The following PRKG1 variants were observed in gnomAD, a reference collection of about 807,000 sequenced individuals.
PRKG1 encodes cGMP-dependent protein kinase 1.
In PRKG1, 35 loss-of-function variants were observed where a neutral mutation model predicts 88.1. That is an observed-to-expected ratio of 0.40 (90% CI 0.30 to 0.53). The LOEUF is 0.53. Ranked by LOEUF, PRKG1 falls within the 20% of genes least tolerant of loss-of-function variation. The pLI is 0.59. For synonymous variants in PRKG1, 303 were observed against 292.5 expected, an observed-to-expected ratio of 1.04 and a Z score of -0.37; for missense variants, 540 against 839.8, an observed-to-expected ratio of 0.64 and a Z score of 4.41.
intron 3 of PRKG1, among the ~76,000 whole-genome samples, chr10:51,483,859 AT>A (rs1353892889): frequency 6.6e-6 from 1 of 152,188 alleles, no homozygotes; most frequent in Non-Finnish European, 1.5e-5. Context: ...TGATGTTTTC[AT>A]TTATACACTT....
chr10:52,215,784 T>C (rs572736138), intron 9 of PRKG1, among the ~76,000 whole-genome samples: 7 of 152,298 alleles, frequency 4.6e-5, no homozygotes, highest in Admixed American at 1.3e-4. Context: ...AGAATATAAC[T>C]GACAAGAGGT....
At chr10:51,302,001 G>C (rs1005931093) in intron 2 of PRKG1, among the ~76,000 whole-genome samples, 3 of 152,108 alleles carry the variant, frequency 2.0e-5, no homozygotes, top group Non-Finnish European at 1.5e-5. Flanking sequence ...TCCAGTTCCT[G>C]GTGCTCTGAC....
chr10:52,278,630 A>C (rs1212620119), intron 12 of PRKG1, among the ~76,000 whole-genome samples: 3 of 152,160 alleles, frequency 2.0e-5, no homozygotes, highest in African/African-American at 7.2e-5. Flanking sequence ...ATGCAGCCAT[A>C]AAAAAGAATG....
At chr10:51,599,507 A>T (rs1028595155) in intron 3 of PRKG1, among the ~76,000 whole-genome samples, 1 of 152,192 alleles carries the variant, frequency 6.6e-6, no homozygotes, top group African/African-American at 2.4e-5. Context: ...GAATCAAATT[A>T]TTAGTATTGA....
chr10:52,110,275 T>C (rs550350165), intron 7 of PRKG1, among the ~76,000 whole-genome samples: 1 of 152,106 alleles, frequency 6.6e-6, no homozygotes, highest in African/African-American at 2.4e-5. Flanking sequence ...GTGCTTGCAG[T>C]GAGCGGAGAT....
At chr10:52,188,291 T>C (rs187085074) in intron 9 of PRKG1, among the ~76,000 whole-genome samples, 1 of 26,814 alleles carries the variant, frequency 3.7e-5, no homozygotes, top group African/African-American at 1.0e-4. Flanking sequence ...TATATATGTG[T>C]ATATATATAT....
chr10:51,617,510 C>G (rs1004923784), intron 3 of PRKG1, among the ~76,000 whole-genome samples: 1 of 152,126 alleles, frequency 6.6e-6, no homozygotes, highest in African/African-American at 2.4e-5. Context: ...CCCACCACAG[C>G]CATCGCCAAC....
chr10:51,136,744 G>A (rs1198617557), intron 1 of PRKG1, among the ~76,000 whole-genome samples: 1 of 152,002 alleles, frequency 6.6e-6, no homozygotes. Context: ...GTTTCTTGTA[G>A]TTCTCTATGT....
At chr10:52,171,192 C>T (rs1461881650) in intron 9 of PRKG1, among the ~76,000 whole-genome samples, 1 of 151,372 alleles carries the variant, frequency 6.6e-6, no homozygotes, top group African/African-American at 2.4e-5. Context: ...CTAGTATTCC[C>T]ATAATCTTAT....
At chr10:51,456,956 G>A (rs916309297) in intron 2 of PRKG1, among the ~76,000 whole-genome samples, 4 of 152,126 alleles carry the variant, frequency 2.6e-5, no homozygotes, top group Admixed American at 2.6e-4. Flanking sequence ...GCATGGATGT[G>A]GTGAAAAGGC....
At chr10:51,699,219 T>C (rs1335079882) in intron 3 of PRKG1, 1 of 1,614,144 alleles carries the variant, frequency 6.2e-7, no homozygotes, top group Non-Finnish European at 8.5e-7. Context: ...GGTGAGTCAA[T>C]AATGGGCGCT....
chr10:51,558,041 T>C (rs1837357209), intron 3 of PRKG1, among the ~76,000 whole-genome samples: 1 of 152,136 alleles, frequency 6.6e-6, no homozygotes. Context: ...GAAAATAATA[T>C]GTTTTGATGT....
intron 8 of PRKG1, among the ~76,000 whole-genome samples, chr10:52,142,841 C>T (rs985914193): frequency 3.3e-5 from 5 of 152,118 alleles, no homozygotes; most frequent in African/African-American, 7.2e-5. Context: ...TTACAACACT[C>T]GTTTATCTGT....
chr10:52,018,799 GT>G (rs1845108297), intron 5 of PRKG1, among the ~76,000 whole-genome samples: 1 of 152,144 alleles, frequency 6.6e-6, no homozygotes, highest in Non-Finnish European at 1.5e-5. Flanking sequence ...AGGTGGTAGG[GT>G]TTTTAAGCCC....
At chr10:51,162,976 C>G (rs1045502945) in intron 2 of PRKG1, among the ~76,000 whole-genome samples, 1 of 152,070 alleles carries the variant, frequency 6.6e-6, no homozygotes, top group African/African-American at 2.4e-5. Context: ...GCCTCAGGCT[C>G]TCAAACTTTT....
chr10:51,129,088 G>C (rs1347362510), intron 1 of PRKG1, among the ~76,000 whole-genome samples: 1 of 152,174 alleles, frequency 6.6e-6, no homozygotes, highest in Non-Finnish European at 1.5e-5. Flanking sequence ...TATTATGTTT[G>C]TAAGCACTTT....
intron 2 of PRKG1, among the ~76,000 whole-genome samples, chr10:51,313,720 T>C (rs948939299): frequency 6.6e-6 from 1 of 152,146 alleles, no homozygotes; most frequent in Non-Finnish European, 1.5e-5. Context: ...TTGCAGATGC[T>C]CAATTCTCTA....
chr10:51,927,104 A>G (rs761218227), intron 5 of PRKG1, among the ~76,000 whole-genome samples: 7 of 152,006 alleles, frequency 4.6e-5, no homozygotes, highest in Non-Finnish European at 1.0e-4. Context: ...AAATGTATCA[A>G]TAGATGATAT....
intron 9 of PRKG1, among the ~76,000 whole-genome samples, chr10:52,211,719 A>G (rs1164096562): frequency 2.0e-5 from 3 of 148,636 alleles, no homozygotes; most frequent in East Asian, 2.0e-4. Context: ...AAAAAAAAAG[A>G]AAAGTAATTC....
Sources: allele counts gnomAD v4.1 joint callset (sites outside exome capture counted in the v4.1 genomes callset), GRCh38; gene constraint gnomAD v4.1.1; transcripts MANE v1.5; gene names NCBI Gene and HGNC (gene_info 2026-07-23, HGNC 2026-07-21).